Variants in DMXL2 observed in about 807,000 individuals in gnomAD.
DMXL2 encodes Dmx like 2.
Under a neutral mutation model 331.1 loss-of-function variants are expected in DMXL2, and 103 were observed. The ratio of observed to expected loss-of-function variants is 0.31; its 90% CI spans 0.27 to 0.37. The LOEUF is 0.37. DMXL2 is among the 10% of genes least tolerant of loss of function. The pLI, the probability that DMXL2 is intolerant of heterozygous loss-of-function variation, is 1.00. For missense variants in DMXL2, 3,171 were observed against 3,642.9 expected, an observed-to-expected ratio of 0.87 and a Z score of 3.33; for synonymous variants, 1,281 against 1,252.1, an observed-to-expected ratio of 1.02 and a Z score of -0.49.
intron 13 of DMXL2, among the ~76,000 whole-genome samples, chr15:51,532,324 A>C (rs2048045815): frequency 6.6e-6 from 1 of 152,176 alleles, no homozygotes. Flanking sequence ...TGGGAGCTAA[A>C]AATCAAAACA....
intron 1 of DMXL2, among the ~76,000 whole-genome samples, chr15:51,613,479 C>T (rs1347804402): frequency 2.0e-5 from 3 of 152,206 alleles, no homozygotes; most frequent in East Asian, 3.8e-4. Flanking sequence ...CAACAGTACA[C>T]TTCAATAGCT....
chr15:51,512,729 T>C (rs979852873), intron 15 of DMXL2, among the ~76,000 whole-genome samples: 13 of 151,526 alleles, frequency 8.6e-5, no homozygotes, highest in South Asian at 6.2e-4. Flanking sequence ...GGCAGGAGAA[T>C]TGCTTGAACC....
chr15:51,494,978 A>C (rs372923897), intron 19 of DMXL2, 46 bp downstream of exon 19: 13 of 1,399,580 alleles, frequency 9.3e-6, no homozygotes, highest in African/African-American at 1.4e-5. Flanking sequence ...CATCGCTCCA[A>C]TATTAAGTAA....
intron 12 of DMXL2, 37 bp from the exon 13 acceptor site, chr15:51,535,821 T>C (rs2140875504): frequency 6.4e-7 from 1 of 1,561,916 alleles, no homozygotes; most frequent in African/African-American, 1.4e-5. Context: ...GTTCTAAACA[T>C]GTAGTGTATT....
In DMXL2 at chr15:51,454,300, T is replaced by G. The variant is rs146956970; in HGVS notation, c.8605-659A>C. Among the ~76,000 whole-genome samples the G allele has an allele frequency of 1.5e-3, 227 of 152,178 alleles. 1 individual carries two copies. Among genetic ancestry groups the G allele is most frequent in the African/African-American group, 5.3e-3 (218 of 41,508 alleles). On this transcript the variant is annotated intron_variant, in intron 40 of 43. Coordinates refer to ENST00000560891, the MANE Select transcript of DMXL2 (RefSeq NM_001378457.1). ...CCCTCCATATATGTGAAGCCTGAAGTTTCACACAGGACAGCATCACCTTCC... is the reference window on the plus strand; with the variant it reads ...CCCTCCATATATGTGAAGCCTGAAGGTTCACACAGGACAGCATCACCTTCC...
chr15:51,620,350 ATCC>A (rs1363471458), intron 1 of DMXL2, among the ~76,000 whole-genome samples: 2 of 152,224 alleles, frequency 1.3e-5, no homozygotes, highest in Admixed American at 6.5e-5. Flanking sequence ...ACAGGCAGGC[ATCC>A]TAAACCACGT....
chr15:51,534,068 A>C (rs2048149770), intron 13 of DMXL2, among the ~76,000 whole-genome samples: 1 of 152,168 alleles, frequency 6.6e-6, no homozygotes, highest in African/African-American at 2.4e-5. Flanking sequence ...TGGAGAAGAC[A>C]AGGTTTAGCA....
At chr15:51,554,948 AG>A (rs1413330631) in intron 6 of DMXL2, among the ~76,000 whole-genome samples, 2 of 152,204 alleles carry the variant, frequency 1.3e-5, no homozygotes, top group Non-Finnish European at 2.9e-5. Flanking sequence ...ACTTGAGGCC[AG>A]GAGTTCGAGA....
In DMXL2 at chr15:51,459,620, A is replaced by G; in HGVS notation, c.7967T>C (p.Ile2656Thr). 1 of 1,289,848 alleles carries G rather than the reference A, an allele frequency of 7.8e-7. No individual in the cohort carries two copies. Among genetic ancestry groups the G allele is most frequent in the Non-Finnish European group, 1.0e-6 (1 of 988,862 alleles). 79.9% of individuals were successfully genotyped at this position (1,289,848 alleles called of 1,614,324 possible). A position where few individuals can be genotyped will look rare whatever the true frequency, so the allele number is the denominator to read the frequency against. ...EHVEQVNQNCIAEDCHIKVEA... is the reference protein window; with the variant it reads ...EHVEQVNQNCTAEDCHIKVEA... ...TACCTTGATGTGGCAATCTTCTGCT[A>G]TGCAGTTTTGGTTGACCTGCTCCAC... Residue 2656 changes from isoleucine to threonine, a missense_variant, in exon 34 of 44, where the codon ATA (isoleucine) becomes ACA (threonine). Physicochemically the swap from Ile to Thr is moderately conservative, Grantham distance 89 (BLOSUM62 -1). This residue lies in a region of DMXL2 where 766 missense variants were observed against 940.5 expected (regional missense o/e 0.81). Transcript: ENST00000560891.
At chr15:51,580,205 G>A (rs931112805) in intron 1 of DMXL2, among the ~76,000 whole-genome samples, 1 of 152,130 alleles carries the variant, frequency 6.6e-6, no homozygotes, top group African/African-American at 2.4e-5. Context: ...GATCAAAAGT[G>A]ATTTTGTTCC....
intron 1 of DMXL2, among the ~76,000 whole-genome samples, chr15:51,579,330 G>A (rs1029490632): frequency 6.6e-6 from 1 of 151,984 alleles, no homozygotes; most frequent in Non-Finnish European, 1.5e-5. Flanking sequence ...AAGTGCACAG[G>A]GGCATTTTCT....
chr15:51,527,347 T>G (rs933322319), intron 13 of DMXL2, among the ~76,000 whole-genome samples: 1 of 151,964 alleles, frequency 6.6e-6, no homozygotes, highest in African/African-American at 2.4e-5. Context: ...AGACAAAAAC[T>G]GAGGGATTTC....
chr15:51,502,848 G>A lies in DMXL2; in HGVS notation c.2950C>T (p.Leu984Phe). Reference sequence around the variant, plus strand: ...CTTATTACTTCAACTGATTCTGGGAGATCAAGGGGTTGGCTATACACCAGT... The same window carrying A: ...CTTATTACTTCAACTGATTCTGGGAAATCAAGGGGTTGGCTATACACCAGT... The part of the protein sequence containing the change: ...SRLVYSQPLD[L>F]PESVEVIRAT... The change falls in exon 17 of 44, where the codon CTC (leucine) becomes TTC (phenylalanine). Residue 984 changes from leucine (L) to phenylalanine (F), a missense_variant. By Grantham distance (22) the Leu-to-Phe change is conservative. Coordinates refer to ENST00000560891, the MANE Select transcript of DMXL2 (RefSeq NM_001378457.1). The A allele has an allele frequency of 6.2e-7, 1 of 1,614,096 alleles. No homozygotes were observed. Among genetic ancestry groups the A allele is most frequent in the Non-Finnish European group, 8.5e-7 (1 of 1,180,008 alleles).
intron 13 of DMXL2, among the ~76,000 whole-genome samples, chr15:51,521,470 G>GTAGTA (rs1430786515): frequency 6.5e-4 from 97 of 148,982 alleles, no homozygotes; most frequent in African/African-American, 2.3e-3. Context: ...TAGTGGTAGT[G>GTAGTA]GTAGTAGTAG....
At chr15:51,581,685 TGAA>T (rs1349862871) in intron 1 of DMXL2, among the ~76,000 whole-genome samples, 1 of 152,154 alleles carries the variant, frequency 6.6e-6, no homozygotes, top group Non-Finnish European at 1.5e-5. Context: ...TCAGATAAAT[TGAA>T]GTGGAGAGTA....
At chr15:51,601,393 AAT>A (rs2053221728) in intron 1 of DMXL2, among the ~76,000 whole-genome samples, 1 of 152,068 alleles carries the variant, frequency 6.6e-6, no homozygotes, top group African/African-American at 2.4e-5. Context: ...TCCCTTCTAA[AAT>A]ATGTATTGTT....
chr15:51,450,340 G>A lies in DMXL2; in HGVS notation c.8756C>T (p.Thr2919Met), dbSNP rs781495241. The A allele has an allele frequency of 3.7e-6, 6 of 1,613,772 alleles. No homozygotes were observed. Among genetic ancestry groups the A allele is most frequent in the South Asian group, 1.1e-5 (1 of 91,062 alleles). The change falls in exon 43 of 44, where the codon ACG becomes ATG. Residue 2919 changes from threonine to methionine, a missense_variant. By Grantham distance (81) the Thr-to-Met change is moderately conservative (BLOSUM62 -1). This residue lies in a region of DMXL2 where 766 missense variants were observed against 940.5 expected (regional missense o/e 0.81). Coordinates refer to ENST00000560891, the MANE Select transcript of DMXL2 (RefSeq NM_001378457.1). ...SPGNSLIHGFTCHDHGATVLQ... is the reference protein window; with the variant it reads ...SPGNSLIHGFMCHDHGATVLQ... Reference sequence around the variant, plus strand: ...TACCGTGGCACCATGATCGTGGCACGTGAAACCTGAAGAAGAAAAACATCA... The same window carrying A: ...TACCGTGGCACCATGATCGTGGCACATGAAACCTGAAGAAGAAAAACATCA...
chr15:51,473,191 A>C (rs1387125433), intron 28 of DMXL2, among the ~76,000 whole-genome samples: 2 of 152,130 alleles, frequency 1.3e-5, no homozygotes, highest in African/African-American at 4.8e-5. Flanking sequence ...CACCTTAACT[A>C]AACTGGTCCA....
At chr15:51,494,486 T>A (rs549500859) in intron 19 of DMXL2, among the ~76,000 whole-genome samples, 1 of 152,274 alleles carries the variant, frequency 6.6e-6, no homozygotes, top group African/African-American at 2.4e-5. Context: ...AATTCTATAG[T>A]TTCAATTTTT....
Sources: gnomAD v4.1 joint callset for allele counts (sites outside exome capture counted in the v4.1 genomes callset) on GRCh38, gnomAD v4.1.1 for gene constraint, gnomAD v4.1.1 regional missense constraint, MANE v1.5 for transcripts, NCBI Gene and HGNC (gene_info 2026-07-23, HGNC 2026-07-21) for gene names.